Variants in CTCF observed in about 807,000 individuals in gnomAD.
CTCF encodes the protein CCCTC-binding factor, also known as transcriptional repressor CTCF.
A neutral mutation model predicts 72.3 loss-of-function variants in CTCF; 7 were observed. That is an observed-to-expected ratio of 0.10 (90% confidence interval 0.06 to 0.18). The LOEUF (loss-of-function observed/expected upper bound fraction) is 0.18. Ranked by LOEUF, CTCF falls within the 10% of genes least tolerant of loss-of-function variation. CTCF has a pLI of 1.00. For missense variants in CTCF, 516 were observed against 949.1 expected, an observed-to-expected ratio of 0.54 and a Z score of 6.00; for synonymous variants, 374 against 315.8, an observed-to-expected ratio of 1.18 and a Z score of -1.95.
intron 2 of CTCF, among the ~76,000 whole-genome samples, chr16:67,577,246 G>A (rs1466289155): frequency 6.6e-6 from 1 of 150,734 alleles, no homozygotes; most frequent in Non-Finnish European, 1.5e-5. Flanking sequence ...GTGAAACCCC[G>A]TTTCTACTAA....
chr16:67,605,622 G>A (rs554065956), intron 2 of CTCF, among the ~76,000 whole-genome samples: 2 of 152,312 alleles, frequency 1.3e-5, no homozygotes, highest in South Asian at 2.1e-4. Flanking sequence ...CTTCAAGCCC[G>A]GCTTTTGCCC....
intron 2 of CTCF, among the ~76,000 whole-genome samples, chr16:67,587,383 T>C (rs2051682806): frequency 6.6e-6 from 1 of 152,194 alleles, no homozygotes; most frequent in Admixed American, 6.6e-5. Flanking sequence ...ATGTTAACTT[T>C]ACAGGACAAC....
chr16:67,566,720 C>T (rs2051347847), intron 1 of CTCF, among the ~76,000 whole-genome samples: 1 of 150,858 alleles, frequency 6.6e-6, no homozygotes, highest in African/African-American at 2.4e-5. Context: ...GGGAGGACTA[C>T]AGGCGCCTGC....
At chr16:67,629,774 T>A (rs2052339738) in intron 10 of CTCF, among the ~76,000 whole-genome samples, 1 of 75,780 alleles carries the variant, frequency 1.3e-5, no homozygotes, top group Non-Finnish European at 2.6e-5. Context: ...TTTTTTTTTT[T>A]TTTTTTTTTT....
chr16:67,587,822 G>T (rs2051688171), intron 2 of CTCF, among the ~76,000 whole-genome samples: 1 of 152,084 alleles, frequency 6.6e-6, no homozygotes, highest in African/African-American at 2.4e-5. Flanking sequence ...GCTTATGTGA[G>T]AATTATATTA....
intron 2 of CTCF, among the ~76,000 whole-genome samples, chr16:67,600,213 C>A (rs2142787829): frequency 6.6e-6 from 1 of 152,022 alleles, no homozygotes; most frequent in Non-Finnish European, 1.5e-5. Context: ...TTAGTAAGGA[C>A]AGATATTTAA....
chr16:67,621,102 G>T lies in CTCF; in HGVS notation c.1207+285G>T, dbSNP rs1597721048. 1.6e-5 allele frequency: 6 copies of T among 364,212 alleles called. No homozygotes were observed. In the East Asian group the frequency reaches 2.0e-4, roughly 12 times the overall value. The allele number at this position is 364,212 out of a possible 1,614,324, so 22.6% of individuals were successfully genotyped here. ...GACAGATTTTAATTTTAAAAGTCTG[G>T]GTAGATTTCCTAACCTACCTTATTC... On this transcript the variant is annotated intron_variant, in intron 6 of 11. Coordinates refer to ENST00000264010, the MANE Select transcript of CTCF (RefSeq NM_006565.4).
Position 67,580,772 on chromosome 16 carries a change from A to ATTTT in CTCF, c.-10+9528_-10+9531dup, listed in dbSNP as rs781616750. ...GGCACCTGCCCCAACGCCTGGCCAA[A>ATTTT]TTTTTTTTTTTTTTTTTTTTTTTAG... On this transcript the variant is annotated intron_variant, in intron 2 of 11. Transcript: ENST00000264010. Among the ~76,000 whole-genome samples the ATTTT allele has an allele frequency of 5.7e-4, 68 of 120,162 alleles. No individual in the cohort carries two copies. In the South Asian group the frequency reaches 0.016, roughly 29 times the overall value. 78.8% of individuals were successfully genotyped at this position (120,162 alleles called of 152,430 possible). A position where few individuals can be genotyped will look rare whatever the true frequency, so the allele number is the denominator to read the frequency against.
rs1567621605 is a variant in CTCF at position 67,639,084 on chromosome 16, A to G, written c.*1212A>G. 5.0e-6 allele frequency: 1 copy of G among 200,910 alleles called. No homozygotes were observed. Among genetic ancestry groups the G allele is most frequent in the Non-Finnish European group, 1.0e-5 (1 of 97,342 alleles). 12.4% of individuals were successfully genotyped at this position (200,910 alleles called of 1,614,324 possible). A position where few individuals can be genotyped will look rare whatever the true frequency, so the allele number is the denominator to read the frequency against. On this transcript the variant is annotated 3_prime_UTR_variant, in exon 12 of 12. Transcript: ENST00000264010. ...TTTTTCATTATTTTAGGACGCCAACATGAGACCTGTAATAAAATATGTAAT... is the reference window on the plus strand; with the variant it reads ...TTTTTCATTATTTTAGGACGCCAACGTGAGACCTGTAATAAAATATGTAAT...
intron 5 of CTCF, among the ~76,000 whole-genome samples, chr16:67,620,076 G>A (rs981012241): frequency 2.0e-5 from 3 of 152,160 alleles, no homozygotes; most frequent in Admixed American, 6.6e-5. Context: ...ACAGGATTTG[G>A]AACAAATTGA....
At chr16:67,585,625 A>G (rs2051659378) in intron 2 of CTCF, among the ~76,000 whole-genome samples, 1 of 152,162 alleles carries the variant, frequency 6.6e-6, no homozygotes, top group South Asian at 2.1e-4. Context: ...GACCACTGAA[A>G]GTTTTCAATT....
chr16:67,613,672 T>C (rs1271204898), intron 4 of CTCF, among the ~76,000 whole-genome samples: 1 of 152,026 alleles, frequency 6.6e-6, no homozygotes, highest in Admixed American at 6.6e-5. Flanking sequence ...GCTACTTGGG[T>C]GGCTGAGGCA....
In CTCF at chr16:67,629,570, G is replaced by A. The variant is rs1218586293; in HGVS notation, c.1837+37G>A. On this transcript the variant is annotated intron_variant, in intron 10 of 11. Coordinates refer to ENST00000264010, the MANE Select transcript of CTCF (RefSeq NM_006565.4). ...GTTCCTTGATTTGCTTACTATGGCAGGCTTTGGAGCCCAGTTTCCAGTGTG... is the reference window on the plus strand; with the variant it reads ...GTTCCTTGATTTGCTTACTATGGCAAGCTTTGGAGCCCAGTTTCCAGTGTG... The A allele has an allele frequency of 1.9e-6, 3 of 1,606,400 alleles. No homozygotes were observed. In the African/African-American group the frequency reaches 4.0e-5, roughly 22 times the overall value.
Position 67,611,398 on chromosome 16 carries a change from C to T in CTCF, c.566C>T (p.Pro189Leu), listed in dbSNP as rs754178156. Residue 189 changes from proline (P) to leucine (L), a missense_variant, in exon 3 of 12, where the codon CCT becomes CTT. Around this residue, in one of 7 missense-constraint regions of CTCF, gnomAD observed 53 missense variants for 63.6 expected, o/e 0.83. Transcript: ENST00000264010. ...GGGGAACTTCCACCCCAGGAAGATC[C>T]TAGTTGGCAAAAAGACCCAGACTAT... ...EQGELPPQED[P>L]SWQKDPDYQP... 6.2e-7 allele frequency: 1 copy of T among 1,614,004 alleles called. No homozygotes were observed. The highest frequency in any genetic ancestry group is 1.7e-5 in the Admixed American group (1 of 59,984).
intron 1 of CTCF, chr16:67,563,607 C>T (rs1370555215): frequency 1.3e-5 from 2 of 152,206 alleles, no homozygotes; most frequent in Admixed American, 6.5e-5. Context: ...ATGCGAGTTC[C>T]GCACCAAGTA....
rs1291258768 is a variant in CTCF at position 67,637,302 on chromosome 16, C to CACTT, written c.2000-386_2000-385insACTT. Among the ~76,000 whole-genome samples the CACTT allele has an allele frequency of 6.6e-5, 10 of 152,282 alleles. No homozygotes were observed. The East Asian group carries it at 1.5e-3, about 24-fold the overall frequency. Reference sequence around the variant, plus strand: ...ATCCCAGCACTTTGGGGGGCCAAGGCGGGAGGATCACCTGAGGTCAGTAGT... The same window carrying CACTT: ...ATCCCAGCACTTTGGGGGGCCAAGGCACTTGGGAGGATCACCTGAGGTCAGTAGT... On this transcript the variant is annotated intron_variant, in intron 11 of 11. Transcript: ENST00000264010.
chr16:67,611,063 A>T lies in CTCF; in HGVS notation c.231A>T (p.Val77=). 1 of 1,614,164 alleles carries T rather than the reference A, an allele frequency of 6.2e-7. No homozygotes were observed. Among genetic ancestry groups the T allele is most frequent in the Non-Finnish European group, 8.5e-7 (1 of 1,180,034 alleles). ...DPTLLQMKTE[V]MEGTVAPEAE... is the part of the protein sequence containing the mutation. ...CCCTTCTTCAGATGAAGACTGAAGT[A>T]ATGGAGGGCACAGTGGCTCCAGAAG... The change falls in exon 3 of 12, where the codon GTA becomes GTT. Residue 77 remains valine, a synonymous_variant. Coordinates refer to ENST00000264010, the MANE Select transcript of CTCF (RefSeq NM_006565.4).
intron 7 of CTCF, among the ~76,000 whole-genome samples, chr16:67,622,029 A>C (rs1421131939): frequency 1.3e-5 from 2 of 152,074 alleles, no homozygotes; most frequent in Admixed American, 6.6e-5. Context: ...GCATAGTTAA[A>C]CTAGAGTTTA....
chr16:67,606,440 C>A (rs2051974184), intron 2 of CTCF, among the ~76,000 whole-genome samples: 2 of 152,206 alleles, frequency 1.3e-5, no homozygotes, highest in East Asian at 3.8e-4. Context: ...CTATTTTGTC[C>A]TTTATGTTAG....
Sources: gnomAD v4.1 joint callset for allele counts (sites outside exome capture counted in the v4.1 genomes callset) on GRCh38, gnomAD v4.1.1 for gene constraint, gnomAD v4.1.1 regional missense constraint, MANE v1.5 for transcripts, NCBI Gene and HGNC (gene_info 2026-07-23, HGNC 2026-07-21) for gene names.